Variants in TBCD observed in about 807,000 individuals in gnomAD.
The protein encoded by TBCD is tubulin-specific chaperone D.
In TBCD, 105 loss-of-function variants were observed where a neutral mutation model predicts 169.3. That is an observed-to-expected ratio of 0.62 (90% CI 0.53 to 0.73). The LOEUF is 0.73. Among genes scored for constraint, TBCD ranks in the 30% least tolerant of loss-of-function variants. The pLI, the probability that TBCD is intolerant of heterozygous loss-of-function variation, is 0.00. For synonymous variants in TBCD, 700 were observed against 643.9 expected (o/e 1.09, Z -1.32); for missense variants, 1,444 against 1,600.1 (o/e 0.90, Z 1.66).
chr17:82,752,271 G>A lies in TBCD; in HGVS notation c.78G>A (p.Ala26=). 7 of 1,518,900 alleles carry A rather than the reference G, an allele frequency of 4.6e-6. No individual in the cohort carries two copies. Among genetic ancestry groups the A allele is most frequent in the East Asian group, 2.7e-5 (1 of 37,464 alleles). 94.1% of individuals were successfully genotyped at this position (1,518,900 alleles called of 1,614,324 possible). ...AEDETLAFGA[A]LEAFGESAET... is the part of the protein sequence containing the mutation. ...ACGAGACACTGGCCTTTGGCGCGGC[G>A]CTGGAAGCGTTCGGCGAGAGCGCGG... Residue 26 remains alanine, a synonymous_variant, in exon 1 of 39, where the codon GCG becomes GCA. Transcript: ENST00000355528.
chr17:82,836,690 AAAAAAAAAC>A (rs995395018), intron 13 of TBCD, among the ~76,000 whole-genome samples: 53 of 150,140 alleles, frequency 3.5e-4, no homozygotes, highest in African/African-American at 1.3e-3. Context: ...TTTTAGGCAA[AAAAAAAAAC>A]AAAACAAAAC....
At chr17:82,924,856 C>A in intron 26 of TBCD, 83 bp from the exon 27 acceptor site, 1 of 1,146,898 alleles carries the variant, frequency 8.7e-7, no homozygotes, top group Non-Finnish European at 1.3e-6. Context: ...TGTGGCTTTG[C>A]TCCTGTTTGG....
chr17:82,901,181 C>T (rs2059866402), intron 18 of TBCD, among the ~76,000 whole-genome samples: 1 of 152,226 alleles, frequency 6.6e-6, no homozygotes, highest in Admixed American at 6.5e-5. Context: ...GGTTTCCTTG[C>T]ATTTCATAGG....
chr17:82,881,901 G>A (rs747704585), intron 14 of TBCD, among the ~76,000 whole-genome samples: 1 of 151,334 alleles, frequency 6.6e-6, no homozygotes, highest in Non-Finnish European at 1.5e-5. Context: ...CTCTCTCTCT[G>A]TCTCTCCCCC....
At chr17:82,772,430 T>C (rs913563836) in intron 5 of TBCD, 22 bp from the exon 6 acceptor site, 1 of 1,613,790 alleles carries the variant, frequency 6.2e-7, no homozygotes, top group South Asian at 1.1e-5. Context: ...TGACCGTGTC[T>C]GTGCTTCACC....
At chr17:82,813,350 G>A (rs1367046178) in intron 12 of TBCD, among the ~76,000 whole-genome samples, 1 of 151,916 alleles carries the variant, frequency 6.6e-6, no homozygotes, top group Non-Finnish European at 1.5e-5. Flanking sequence ...TCCCTCCTCT[G>A]AGACCCCCCC....
Position 82,838,580 on chromosome 17 carries a change from A to G in TBCD, c.1318+23646A>G, listed in dbSNP as rs903512897. 20 of 880,146 alleles carry G rather than the reference A, an allele frequency of 2.3e-5. No homozygotes were observed. In the African/African-American group the frequency reaches 3.6e-4, roughly 16 times the overall value. The allele number at this position is 880,146 out of a possible 1,614,324, so 54.5% of individuals were successfully genotyped here. On this transcript the variant is annotated intron_variant, in intron 13 of 38. Transcript: ENST00000355528. Reference sequence around the variant, plus strand: ...GCGTTGTTGCATAACTCAAGGACACACCATTGTCGCCTACCCACTGTGATG... The same window carrying G: ...GCGTTGTTGCATAACTCAAGGACACGCCATTGTCGCCTACCCACTGTGATG...
At chr17:82,799,598 G>T (rs541799711) in intron 8 of TBCD, among the ~76,000 whole-genome samples, 26 of 152,286 alleles carry the variant, frequency 1.7e-4, no homozygotes, top group African/African-American at 6.3e-4. Flanking sequence ...GCGAGTTTTC[G>T]TGTGCAGCCT....
At chr17:82,865,407 T>C in intron 13 of TBCD, 1 of 945,560 alleles carries the variant, frequency 1.1e-6, no homozygotes. Flanking sequence ...GGAGGGAGGC[T>C]CAGTGCTCTG....
intron 7 of TBCD, among the ~76,000 whole-genome samples, chr17:82,784,983 G>A (rs1231412888): frequency 4.7e-5 from 7 of 147,410 alleles, no homozygotes; most frequent in African/African-American, 1.8e-4. Flanking sequence ...CCCACCCATC[G>A]CAGCGGGAGG....
rs112101353 is a variant in TBCD at position 82,804,221 on chromosome 17, G to A, written c.951-1654G>A. 8.7e-4 allele frequency among the ~76,000 whole-genome samples: 132 copies of A among 152,152 alleles called. 2 individuals are homozygous for A. In the Middle Eastern group the frequency reaches 0.01, roughly 12 times the overall value. On this transcript the variant is annotated intron_variant, in intron 9 of 38. Coordinates refer to ENST00000355528, the MANE Select transcript of TBCD (RefSeq NM_005993.5). ...GCATTAGGCATCTTGCTGGGTGTCTGATGGTCTCCGCCACGGTCCTAAGAT... is the reference window on the plus strand; with the variant it reads ...GCATTAGGCATCTTGCTGGGTGTCTAATGGTCTCCGCCACGGTCCTAAGAT...
intron 23 of TBCD, among the ~76,000 whole-genome samples, chr17:82,919,695 C>G (rs1427745750): frequency 6.6e-6 from 1 of 152,078 alleles, no homozygotes; most frequent in African/African-American, 2.4e-5. Flanking sequence ...ACTGAAGAAT[C>G]TTGGTGCTGA....
rs150598431 is a variant in TBCD at position 82,899,784 on chromosome 17, C to T, written c.1650-867C>T. 1.2e-3 allele frequency among the ~76,000 whole-genome samples: 189 copies of T among 152,352 alleles called. 1 individual carries two copies. The highest frequency in any genetic ancestry group is 4.2e-3 in the African/African-American group (174 of 41,588). ...TCTGGTTTTCCCACATCTGTGCCAA[C>T]GCTTGGTATTTACCAGTCTTTTAAA... is the stretch of plus-strand genomic sequence containing the variant. On this transcript the variant is annotated intron_variant, in intron 17 of 38. Transcript: ENST00000355528.
At position 82,752,104 on chromosome 17, in the gene TBCD, A is replaced by T; in HGVS notation, c.-90A>T. ...CCGCCTTAGCGGGCGCCTCCTTTTC[A>T]TCCCTCATCCTTCATCCCTGGCTTT... is the stretch of plus-strand genomic sequence containing the variant. On this transcript the variant is annotated 5_prime_UTR_variant, in exon 1 of 39. Coordinates refer to ENST00000355528, the MANE Select transcript of TBCD (RefSeq NM_005993.5). 7.5e-7 allele frequency: 1 copy of T among 1,334,800 alleles called. No homozygotes were observed. The allele number at this position is 1,334,800 out of a possible 1,614,324, so 82.7% of individuals were successfully genotyped here.
At chr17:82,783,728 A>G (rs752276835) in intron 7 of TBCD, among the ~76,000 whole-genome samples, 3 of 152,126 alleles carry the variant, frequency 2.0e-5, no homozygotes, top group African/African-American at 4.8e-5. Flanking sequence ...GGTATTTTCC[A>G]TATGCCAGCG....
At chr17:82,760,409 G>T (rs970824518) in intron 2 of TBCD, among the ~76,000 whole-genome samples, 4 of 152,148 alleles carry the variant, frequency 2.6e-5, no homozygotes, top group African/African-American at 9.7e-5. Flanking sequence ...CATCTTTTGT[G>T]TTCCTCAGTG....
chr17:82,925,006 G>T lies in TBCD; in HGVS notation c.2328G>T (p.Ser776=). Residue 776 remains serine (S), a synonymous_variant, in exon 27 of 39, where the codon TCG becomes TCT. Transcript: ENST00000355528. ...AGGAGATGACTCGCTGTGGCTTCTC[G>T]TTGGCCTTGGGCGCCCTTCCAGGCT... ...NPEEMTRCGF[S]LALGALPGFL... 1 of 1,573,156 alleles carries T rather than the reference G, an allele frequency of 6.4e-7. No individual in the cohort carries two copies.
chr17:82,911,648 G>C lies in TBCD; in HGVS notation c.2007-110G>C, dbSNP rs1022952603. On this transcript the variant is annotated intron_variant, in intron 22 of 38. Transcript: ENST00000355528. The stretch of plus-strand genomic sequence containing the variant: ...TCATGCTCAGTAACACATTCAACTA[G>C]TTCTCATTTTAATGCTTTTTGGAGC... The C allele has an allele frequency of 5.7e-5, 63 of 1,095,990 alleles. No individual in the cohort carries two copies. In the African/African-American group the frequency reaches 7.6e-4, roughly 13 times the overall value. The allele number at this position is 1,095,990 out of a possible 1,614,324, so 67.9% of individuals were successfully genotyped here. A position where few individuals can be genotyped will look rare whatever the true frequency, so the allele number is the denominator to read the frequency against.
chr17:82,778,815 G>C (rs630504), intron 6 of TBCD, among the ~76,000 whole-genome samples: 128,583 of 151,600 alleles, frequency 0.85, 54,635 homozygotes, highest in South Asian at 0.96. Context: ...GTGTGCGCCA[G>C]CACCCCTGGC....
Sources: gnomAD v4.1 joint callset for allele counts (sites outside exome capture counted in the v4.1 genomes callset) on GRCh38, gnomAD v4.1.1 for gene constraint, MANE v1.5 for transcripts, NCBI Gene and HGNC (gene_info 2026-07-23, HGNC 2026-07-21) for gene names.